Variants in LGR5 observed in about 807,000 individuals in gnomAD.
LGR5 encodes the protein leucine-rich repeat-containing G protein-coupled receptor 5.
A neutral mutation model predicts 76.7 loss-of-function variants in LGR5; 54 were observed. The ratio of observed to expected loss-of-function variants is 0.70; its 90% CI spans 0.57 to 0.88. The LOEUF is 0.88. Ranked by LOEUF, LGR5 falls within the 40% of genes least tolerant of loss-of-function variation. LGR5 has a pLI of 0.00. For synonymous variants in LGR5, 406 were observed against 421.9 expected, an observed-to-expected ratio of 0.96 and a Z score of 0.46; for missense variants, 1,078 against 1,073.3, an observed-to-expected ratio of 1.00 and a Z score of -0.06.
At chr12:71,501,324 A>T (rs1592494526) in intron 1 of LGR5, among the ~76,000 whole-genome samples, 1 of 152,174 alleles carries the variant, frequency 6.6e-6, no homozygotes, top group African/African-American at 2.4e-5. Flanking sequence ...AAAACAAAAA[A>T]CCCTAGGGCC....
At chr12:71,453,762 T>C (rs986818821) in intron 1 of LGR5, among the ~76,000 whole-genome samples, 1 of 152,092 alleles carries the variant, frequency 6.6e-6, no homozygotes, top group African/African-American at 2.4e-5. Context: ...CAAAAACTGA[T>C]TTAAAGAATG....
At chr12:71,564,676 ATATACATATATACATATATG>A (rs1878229936) in intron 8 of LGR5, among the ~76,000 whole-genome samples, 1 of 65,196 alleles carries the variant, frequency 1.5e-5, no homozygotes, top group African/African-American at 4.7e-5. Flanking sequence ...CACACTGTAT[ATATACATATATACATATATG>A]TACACACACT....
intron 1 of LGR5, among the ~76,000 whole-genome samples, chr12:71,502,466 G>A (rs1032702609): frequency 1.6e-4 from 25 of 151,994 alleles, no homozygotes; most frequent in African/African-American, 5.8e-4. Context: ...CCAAAGTGCT[G>A]GGATTACAGG....
intron 2 of LGR5, among the ~76,000 whole-genome samples, chr12:71,508,528 G>A (rs1032881367): frequency 7.9e-5 from 12 of 152,040 alleles, no homozygotes; most frequent in Non-Finnish European, 1.5e-5. Flanking sequence ...GGCCAAGGTG[G>A]GTGGATCATG....
upstream of LGR5, among the ~76,000 whole-genome samples, chr12:71,439,545 A>C (rs1249882118): frequency 6.6e-6 from 1 of 151,962 alleles, no homozygotes; most frequent in Non-Finnish European, 1.5e-5. Flanking sequence ...GGGGTCCCCT[A>C]TTCCGGCGCG....
chr12:71,467,818 A>G (rs1342118242), intron 1 of LGR5, among the ~76,000 whole-genome samples: 1 of 152,144 alleles, frequency 6.6e-6, no homozygotes, highest in Admixed American at 6.6e-5. Flanking sequence ...AGATGGGTGT[A>G]TTTTAACCTC....
Position 71,556,611 on chromosome 12 carries a change from T to C in LGR5, c.645-8T>C. On this transcript the variant is annotated splice_polypyrimidine_tract_variant and splice_region_variant and intron_variant, in intron 5 of 17. Transcript: ENST00000266674. ...GCCTTCCTAACTATCTGTAATGTTC[T>C]ACTGCAGACATCTCCATAACAATAG... is the stretch of plus-strand genomic sequence containing the variant. 6.3e-7 allele frequency: 1 copy of C among 1,587,708 alleles called. No homozygotes were observed. Among genetic ancestry groups the C allele is most frequent in the South Asian group, 1.1e-5 (1 of 90,504 alleles).
intron 17 of LGR5, among the ~76,000 whole-genome samples, chr12:71,583,242 A>AAT (rs1879168033): frequency 6.6e-6 from 1 of 152,246 alleles, no homozygotes; most frequent in Non-Finnish European, 1.5e-5. Context: ...TCACATTCAT[A>AAT]ATATTACGGA....
chr12:71,522,816 G>T (rs1274823725), intron 2 of LGR5, among the ~76,000 whole-genome samples: 2 of 152,116 alleles, frequency 1.3e-5, no homozygotes, highest in Admixed American at 6.6e-5. Context: ...TGGAGTTTTG[G>T]ATCTGGAAGG....
intron 1 of LGR5, among the ~76,000 whole-genome samples, chr12:71,476,675 T>G (rs1231700703): frequency 6.6e-6 from 1 of 152,146 alleles, no homozygotes; most frequent in Non-Finnish European, 1.5e-5. Context: ...GACACCACAC[T>G]ATGGTCAAAA....
At position 71,566,645 on chromosome 12, in the gene LGR5, G is replaced by A. The variant is rs772740418; in HGVS notation, c.943G>A (p.Ala315Thr). 6.2e-7 allele frequency: 1 copy of A among 1,612,756 alleles called. No homozygotes were observed. The highest frequency in any genetic ancestry group is 8.5e-7 in the Non-Finnish European group (1 of 1,179,018). Reference protein sequence around the residue: ...PELRTLTLNGASQITEFPDLT... With the variant: ...PELRTLTLNGTSQITEFPDLT... ...TCCTCTTTCTAGGACTCTGAATGGT[G>A]CCTCACAAATAACTGAATTTCCTGA... is the stretch of plus-strand genomic sequence containing the variant. The change falls in exon 10 of 18, where the codon GCC becomes ACC. Residue 315 changes from alanine to threonine, a missense_variant. By Grantham distance (58) the Ala-to-Thr change is moderately conservative. Transcript: ENST00000266674.
In LGR5 at chr12:71,499,493, A is replaced by T. The variant is rs150455818; in HGVS notation, c.213-5121A>T. On this transcript the variant is annotated intron_variant, in intron 1 of 17. Coordinates refer to ENST00000266674, the MANE Select transcript of LGR5 (RefSeq NM_003667.4). ...AACTAGATCACACATTGCATGGAGG[A>T]AAGTGGCATGAGATCAAGATAGAAA... Among the ~76,000 whole-genome samples, 21 of 152,268 alleles carry T rather than the reference A, an allele frequency of 1.4e-4. No homozygotes were observed. In the East Asian group the frequency reaches 3.1e-3, roughly 22 times the overall value.
Position 71,552,267 on chromosome 12 carries a change from T to TA in LGR5, c.429-797dup, listed in dbSNP as rs896868733. Reference sequence around the variant, plus strand: ...AAAGTAAAATAAAAAAATTAAAAATTAAAAAAAAATTACTCGGCCAGGTGC... The same window carrying TA: ...AAAGTAAAATAAAAAAATTAAAAATTAAAAAAAAAATTACTCGGCCAGGTGC... On this transcript the variant is annotated intron_variant, in intron 4 of 17. Transcript: ENST00000266674. Among the ~76,000 whole-genome samples, 6 of 151,376 alleles carry TA rather than the reference T, an allele frequency of 4.0e-5. No homozygotes were observed. In the South Asian group the frequency reaches 8.4e-4, roughly 21 times the overall value.
intron 1 of LGR5, among the ~76,000 whole-genome samples, chr12:71,500,703 C>T (rs538597994): frequency 6.6e-6 from 1 of 152,118 alleles, no homozygotes; most frequent in Admixed American, 6.6e-5. Flanking sequence ...CTTAAGAAAT[C>T]CTCCCACCTC....
chr12:71,560,828 A>AATCCAT (rs1431317392), intron 7 of LGR5, among the ~76,000 whole-genome samples: 1 of 152,200 alleles, frequency 6.6e-6, no homozygotes, highest in African/African-American at 2.4e-5. Context: ...AGGCAGTTTA[A>AATCCAT]ATCCATTTTG....
At chr12:71,549,439 A>G (rs538596532) in intron 4 of LGR5, among the ~76,000 whole-genome samples, 7 of 152,344 alleles carry the variant, frequency 4.6e-5, no homozygotes, top group Admixed American at 1.3e-4. Flanking sequence ...AATAGATTAG[A>G]TCTTAAATGT....
At chr12:71,498,965 A>C (rs989148966) in intron 1 of LGR5, among the ~76,000 whole-genome samples, 4 of 152,230 alleles carry the variant, frequency 2.6e-5, no homozygotes, top group Non-Finnish European at 5.9e-5. Flanking sequence ...TAAGTTGAGC[A>C]ACAGCAAAGC....
intron 6 of LGR5, among the ~76,000 whole-genome samples, chr12:71,557,143 G>C (rs1043953473): frequency 1.2e-4 from 18 of 152,142 alleles, no homozygotes; most frequent in Admixed American, 1.0e-3. Context: ...AAAAGGGACT[G>C]GGCGTGGTGA....
intron 2 of LGR5, among the ~76,000 whole-genome samples, chr12:71,515,769 A>T (rs1875404597): frequency 6.6e-6 from 1 of 152,204 alleles, no homozygotes; most frequent in Non-Finnish European, 1.5e-5. Context: ...AATTTCTAGG[A>T]GCCAGCATGA....
Sources: allele counts gnomAD v4.1 joint callset (sites outside exome capture counted in the v4.1 genomes callset), GRCh38; gene constraint gnomAD v4.1.1; transcripts MANE v1.5; gene names NCBI Gene and HGNC (gene_info 2026-07-23, HGNC 2026-07-21).